The following SRGAP1 variants were observed in gnomAD, a reference collection of about 807,000 sequenced individuals.
SRGAP1 encodes SLIT-ROBO Rho GTPase-activating protein 1.
Under a neutral mutation model 121.9 loss-of-function variants are expected in SRGAP1, and 43 were observed. That is an observed-to-expected ratio of 0.35 (90% CI 0.28 to 0.46). The LOEUF is 0.46. SRGAP1 is among the 20% of genes least tolerant of loss of function. The pLI is 1.00. For synonymous variants in SRGAP1, 447 were observed against 485.4 expected, an observed-to-expected ratio of 0.92 and a Z score of 1.04; for missense variants, 1,102 against 1,350.9, an observed-to-expected ratio of 0.82 and a Z score of 2.89.
At chr12:63,859,974 A>G (rs962400016) in intron 1 of SRGAP1, among the ~76,000 whole-genome samples, 1 of 152,074 alleles carries the variant, frequency 6.6e-6, no homozygotes, top group Non-Finnish European at 1.5e-5. Context: ...TTCTTCTTTG[A>G]CTCATGAGGT....
intron 1 of SRGAP1, chr12:63,888,408 A>G (rs538937766): frequency 6.6e-6 from 1 of 152,330 alleles, no homozygotes; most frequent in East Asian, 1.9e-4. Flanking sequence ...TTCTTGCAGT[A>G]TCAGACATCG....
At chr12:64,048,655 C>A (rs11175240) in intron 6 of SRGAP1, among the ~76,000 whole-genome samples, 34,177 of 152,070 alleles carry the variant, frequency 0.22, 4,069 homozygotes, top group Non-Finnish European at 0.26. Context: ...CACATCCTTA[C>A]CGGCTTTAGT....
chr12:63,897,569 G>A (rs1360067679), intron 1 of SRGAP1, among the ~76,000 whole-genome samples: 8 of 152,264 alleles, frequency 5.3e-5, no homozygotes, highest in East Asian at 3.9e-4. Context: ...TATTTAGGCC[G>A]TAACTCCGAC....
intron 1 of SRGAP1, among the ~76,000 whole-genome samples, chr12:63,960,718 C>T (rs765176033): frequency 3.3e-5 from 5 of 152,074 alleles, no homozygotes; most frequent in African/African-American, 4.8e-5. Flanking sequence ...ACCCAGTGGG[C>T]CCAGTGTAAT....
intron 21 of SRGAP1, among the ~76,000 whole-genome samples, chr12:64,130,167 T>A (rs1243737047): frequency 6.6e-6 from 1 of 152,204 alleles, no homozygotes; most frequent in Non-Finnish European, 1.5e-5. Context: ...TGCACACTCT[T>A]TTTTACCTGC....
intron 1 of SRGAP1, among the ~76,000 whole-genome samples, chr12:63,980,608 T>C (rs980186208): frequency 6.6e-6 from 1 of 151,714 alleles, no homozygotes; most frequent in Admixed American, 6.6e-5. Context: ...TTTTTTTTTT[T>C]TTTGAGATGG....
intron 15 of SRGAP1, among the ~76,000 whole-genome samples, chr12:64,106,096 T>A (rs2036341052): frequency 6.6e-6 from 1 of 152,204 alleles, no homozygotes; most frequent in Admixed American, 6.6e-5. Flanking sequence ...CATAGCTCAC[T>A]GGAGCTTCGA....
chr12:64,017,838 G>A, intron 4 of SRGAP1, among the ~76,000 whole-genome samples: 1 of 151,396 alleles, frequency 6.6e-6, no homozygotes. Context: ...ATATTATTTA[G>A]GGTACTTCAT....
chr12:63,873,482 G>T (rs1437453471), intron 1 of SRGAP1, among the ~76,000 whole-genome samples: 3 of 147,798 alleles, frequency 2.0e-5, no homozygotes, highest in African/African-American at 5.0e-5. Context: ...GCAGTGAGCC[G>T]AGATTGAGCC....
intron 1 of SRGAP1, among the ~76,000 whole-genome samples, chr12:63,933,686 T>C (rs559478622): frequency 1.1e-3 from 175 of 152,332 alleles, no homozygotes; most frequent in Non-Finnish European, 2.2e-3. Flanking sequence ...TCTTTTCCAT[T>C]TCTTTCTGAA....
intron 1 of SRGAP1, among the ~76,000 whole-genome samples, chr12:63,901,681 A>C (rs1041899888): frequency 6.6e-6 from 1 of 152,222 alleles, no homozygotes; most frequent in Non-Finnish European, 1.5e-5. Context: ...TTAATGGGAC[A>C]AACTGCTACT....
chr12:63,962,600 G>T (rs994320602), intron 1 of SRGAP1, among the ~76,000 whole-genome samples: 1 of 152,072 alleles, frequency 6.6e-6, no homozygotes, highest in African/African-American at 2.4e-5. Flanking sequence ...TAGAGACAAG[G>T]TTTTTCCACA....
At chr12:63,970,596 C>A (rs1400577165) in intron 1 of SRGAP1, among the ~76,000 whole-genome samples, 1 of 152,110 alleles carries the variant, frequency 6.6e-6, no homozygotes, top group African/African-American at 2.4e-5. Flanking sequence ...AGCAGAAGAT[C>A]AGTGTTTAAA....
intron 1 of SRGAP1, among the ~76,000 whole-genome samples, chr12:63,922,371 G>A (rs2031093534): frequency 1.3e-5 from 2 of 152,198 alleles, no homozygotes; most frequent in South Asian, 2.1e-4. Flanking sequence ...ATGTCCATAT[G>A]TAAAACAGGA....
chr12:64,002,708 G>A (rs1261848498), intron 3 of SRGAP1, among the ~76,000 whole-genome samples: 3 of 152,116 alleles, frequency 2.0e-5, no homozygotes, highest in Non-Finnish European at 2.9e-5. Flanking sequence ...CTGCAGGACA[G>A]GTACAGATAG....
At chr12:63,848,432 T>C (rs1254277776) in intron 1 of SRGAP1, among the ~76,000 whole-genome samples, 1 of 152,198 alleles carries the variant, frequency 6.6e-6, no homozygotes, top group Non-Finnish European at 1.5e-5. Flanking sequence ...ATGTATAAGA[T>C]CATAGATGTA....
At chr12:64,045,440 T>C (rs1349907131) in intron 6 of SRGAP1, among the ~76,000 whole-genome samples, 2 of 152,018 alleles carry the variant, frequency 1.3e-5, no homozygotes, top group African/African-American at 4.8e-5. Context: ...CAAACCAATT[T>C]TTTTTTTTTT....
intron 7 of SRGAP1, among the ~76,000 whole-genome samples, chr12:64,064,037 T>C (rs2035495904): frequency 6.6e-6 from 1 of 152,140 alleles, no homozygotes; most frequent in African/African-American, 2.4e-5. Context: ...CAAACACACA[T>C]GGATTTTGAC....
intron 7 of SRGAP1, among the ~76,000 whole-genome samples, chr12:64,064,079 A>C (rs1378588195): frequency 6.6e-6 from 1 of 152,212 alleles, no homozygotes; most frequent in African/African-American, 2.4e-5. Flanking sequence ...CCATCTTTCC[A>C]AAACCAAATG....
Sources: allele counts gnomAD v4.1 joint callset (sites outside exome capture counted in the v4.1 genomes callset), GRCh38; gene constraint gnomAD v4.1.1; transcripts MANE v1.5; gene names NCBI Gene and HGNC (gene_info 2026-07-23, HGNC 2026-07-21).